Variants in CSN1S1 observed in about 807,000 individuals in gnomAD.
The protein encoded by CSN1S1 is casein alpha s1, also known as alpha-S1-casein.
Under a neutral mutation model 49.1 loss-of-function variants are expected in CSN1S1, and 63 were observed. That is an observed-to-expected ratio of 1.28 (90% CI 1.05 to 1.58). CSN1S1 has a LOEUF of 1.58. Ranked by LOEUF, CSN1S1 falls within the 40% of genes most tolerant of loss-of-function variation. CSN1S1 has a pLI of 0.00. For missense variants in CSN1S1, 260 were observed against 224.7 expected (o/e 1.16, Z -1.01); for synonymous variants, 78 against 67.1 (o/e 1.16, Z -0.79).
At chr4:69,931,660 A>G (rs1205561678) in intron 1 of CSN1S1, among the ~76,000 whole-genome samples, 2 of 151,148 alleles carry the variant, frequency 1.3e-5, no homozygotes, top group South Asian at 2.1e-4. Flanking sequence ...ATTTGGGTTC[A>G]AAAATATGCC....
chr4:69,943,535 T>A (rs934792570), intron 14 of CSN1S1, among the ~76,000 whole-genome samples: 1 of 152,082 alleles, frequency 6.6e-6, no homozygotes, highest in Non-Finnish European at 1.5e-5. Flanking sequence ...TTCATATTAA[T>A]GAGGGTTTGG....
chr4:69,943,163 A>ATATTATTATTATTAT (rs3078677), intron 14 of CSN1S1, among the ~76,000 whole-genome samples: 1 of 144,856 alleles, frequency 6.9e-6, no homozygotes, highest in African/African-American at 2.5e-5. Context: ...TTCCATGTGA[A>ATATTATTATTATTAT]TATTATTATT....
chr4:69,937,907 T>G, intron 9 of CSN1S1, 84 bp downstream of exon 9: 1 of 910,010 alleles, frequency 1.1e-6, no homozygotes. Context: ...AAAGACTGTC[T>G]TCTGAAATTA....
At chr4:69,944,774 AT>A in intron 14 of CSN1S1, 75 bp from the exon 15 acceptor site, 1 of 1,405,296 alleles carries the variant, frequency 7.1e-7, no homozygotes, top group South Asian at 1.3e-5. Flanking sequence ...AATGAATGAG[AT>A]GTATTGATAT....
chr4:69,939,466 A>T (rs1340332220), intron 10 of CSN1S1, among the ~76,000 whole-genome samples: 2 of 151,720 alleles, frequency 1.3e-5, no homozygotes, highest in African/African-American at 4.8e-5. Flanking sequence ...TTTTTAACCA[A>T]TTACTTTGTC....
chr4:69,936,215 T>C (rs1722776317), intron 5 of CSN1S1, among the ~76,000 whole-genome samples: 1 of 152,184 alleles, frequency 6.6e-6, no homozygotes, highest in Admixed American at 6.6e-5. Context: ...TAAATTTGTA[T>C]CAGCACTAAT....
Position 69,936,587 on chromosome 4 carries a change from A to G in CSN1S1, c.175A>G (p.Lys59Glu). The change falls in exon 7 of 16, where the codon AAA becomes GAA. Residue 59 changes from lysine (K) to glutamate (E), a missense_variant. Lys to Glu is a moderately conservative substitution (Grantham distance 56). Coordinates refer to ENST00000246891, the MANE Select transcript of CSN1S1 (RefSeq NM_001890.2). ...TTAGCAGAGAAACATTCTGAGAGAA[A>G]AACAGACTGATGAAATCAAGGTACC... ...MNRQRNILRE[K>E]QTDEIKDTRN... is the part of the protein sequence containing the mutation. The G allele has an allele frequency of 6.2e-7, 1 of 1,606,600 alleles. No homozygotes were observed. The highest frequency in any genetic ancestry group is 8.5e-7 in the Non-Finnish European group (1 of 1,175,958).
intron 15 of CSN1S1, among the ~76,000 whole-genome samples, chr4:69,945,346 C>G (rs1453914957): frequency 6.6e-6 from 1 of 151,986 alleles, no homozygotes; most frequent in African/African-American, 2.4e-5. Flanking sequence ...CTTTAAATGA[C>G]TTCCTTCTGG....
At chr4:69,936,176 A>ATT (rs1722773742) in intron 5 of CSN1S1, among the ~76,000 whole-genome samples, 4 of 152,074 alleles carry the variant, frequency 2.6e-5, no homozygotes, top group African/African-American at 9.6e-5. Context: ...AAGGAATATT[A>ATT]GTTCATTTGT....
chr4:69,939,267 G>A, intron 10 of CSN1S1, 59 bp downstream of exon 10: 1 of 1,268,620 alleles, frequency 7.9e-7, no homozygotes, highest in African/African-American at 1.5e-5. Flanking sequence ...ATGAAAACTT[G>A]TACCGTGAGG....
chr4:69,932,502 C>T (rs775374991), intron 1 of CSN1S1, 42 bp from the exon 2 acceptor site: 88 of 1,506,746 alleles, frequency 5.8e-5, no homozygotes, highest in Non-Finnish European at 6.9e-5. Flanking sequence ...ACAAATTTAA[C>T]GTAATAATAT....
chr4:69,937,348 T>C (rs1457781751), intron 8 of CSN1S1, among the ~76,000 whole-genome samples: 1 of 149,362 alleles, frequency 6.7e-6, no homozygotes, highest in African/African-American at 2.5e-5. Context: ...ATAATGTCAC[T>C]GATCTCTGTA....
chr4:69,934,265 T>A, intron 3 of CSN1S1, 21 bp downstream of exon 3: 3 of 1,606,994 alleles, frequency 1.9e-6, no homozygotes, highest in Non-Finnish European at 2.6e-6. Context: ...TATTCTGCAT[T>A]CCAAGAACTC....
At position 69,939,169 on chromosome 4, in the gene CSN1S1, C is replaced by A. The variant is rs1317303183; in HGVS notation, c.244-7C>A. On this transcript the variant is annotated splice_polypyrimidine_tract_variant and splice_region_variant and intron_variant, in intron 9 of 15. Transcript: ENST00000246891. ...GGGATAATTAACACTAGATTTCTTTCTTTTAGAAGATGGAATCCAGCATCA... is the reference window on the plus strand; with the variant it reads ...GGGATAATTAACACTAGATTTCTTTATTTTAGAAGATGGAATCCAGCATCA... 6.3e-7 allele frequency: 1 copy of A among 1,595,492 alleles called. No homozygotes were observed. The highest frequency in any genetic ancestry group is 8.6e-7 in the Non-Finnish European group (1 of 1,166,738).
chr4:69,931,462 T>A (rs1722604814), intron 1 of CSN1S1, among the ~76,000 whole-genome samples: 1 of 152,000 alleles, frequency 6.6e-6, no homozygotes, highest in Non-Finnish European at 1.5e-5. Flanking sequence ...AATAATTTCT[T>A]ATTTTTGTAA....
chr4:69,941,152 T>G (rs1240732840), intron 12 of CSN1S1, 92 bp downstream of exon 12: 5 of 586,720 alleles, frequency 8.5e-6, no homozygotes, highest in Non-Finnish European at 1.4e-5. Context: ...TAAATATATT[T>G]TTATTTTTCT....
chr4:69,945,854 T>C lies in CSN1S1; in HGVS notation c.*-342T>C, dbSNP rs914495832. On this transcript the variant is annotated intron_variant, in intron 15 of 15. Transcript: ENST00000246891. ...ATTGGAGCTTCCAATTGTGTGTTTGTGTGTGTGTGTTTCCTTTTCCAGTGG... is the reference window on the plus strand; with the variant it reads ...ATTGGAGCTTCCAATTGTGTGTTTGCGTGTGTGTGTTTCCTTTTCCAGTGG... Among the ~76,000 whole-genome samples, 3 of 151,900 alleles carry C rather than the reference T, an allele frequency of 2.0e-5. No individual in the cohort carries two copies. In the South Asian group the frequency reaches 6.2e-4, roughly 31 times the overall value.
chr4:69,945,010 T>A lies in CSN1S1; in HGVS notation c.557+6T>A. The A allele has an allele frequency of 6.2e-7, 1 of 1,611,874 alleles. No homozygotes were observed. The highest frequency in any genetic ancestry group is 8.5e-7 in the Non-Finnish European group (1 of 1,178,532). ...AACGTCATGCTACAGTGGTGGTAAG[T>A]TCATTTAAATTACTACATCTTGATG... On this transcript the variant is annotated splice_donor_region_variant and intron_variant, in intron 15 of 15. Coordinates refer to ENST00000246891, the MANE Select transcript of CSN1S1 (RefSeq NM_001890.2).
intron 6 of CSN1S1, 34 bp downstream of exon 6, chr4:69,936,513 A>C: frequency 6.3e-7 from 1 of 1,593,172 alleles, no homozygotes; most frequent in Non-Finnish European, 8.6e-7. Context: ...AATTATGTTA[A>C]AAGTTTGTTT....
Sources: gnomAD v4.1 joint callset for allele counts (sites outside exome capture counted in the v4.1 genomes callset) on GRCh38, gnomAD v4.1.1 for gene constraint, MANE v1.5 for transcripts, NCBI Gene and HGNC (gene_info 2026-07-23, HGNC 2026-07-21) for gene names.